The following VANGL2 variants were observed in gnomAD, a reference collection of about 807,000 sequenced individuals.
The protein encoded by VANGL2 is vang-like protein 2.
In VANGL2, 14 loss-of-function variants were observed where a neutral mutation model predicts 50.2. The ratio of observed to expected loss-of-function variants is 0.28; its 90% CI spans 0.18 to 0.44. The LOEUF (loss-of-function observed/expected upper bound fraction) is 0.44. VANGL2 is among the 20% of genes least tolerant of loss of function. The pLI is 1.00. For synonymous variants in VANGL2, 295 were observed against 297.2 expected, an observed-to-expected ratio of 0.99 and a Z score of 0.08; for missense variants, 533 against 701.5, an observed-to-expected ratio of 0.76 and a Z score of 2.71.
In VANGL2 at chr1:160,410,675, TACAC is replaced by T. The variant is rs111892045; in HGVS notation, c.-190-4952_-190-4949del. Among the ~76,000 whole-genome samples, 639 of 143,352 alleles carry T rather than the reference TACAC, an allele frequency of 4.5e-3. 2 individuals carry two copies. The highest frequency in any genetic ancestry group is 7.1e-3 in the Non-Finnish European group (456 of 64,294). 94.0% of individuals were successfully genotyped at this position (143,352 alleles called of 152,430 possible). On this transcript the variant is annotated intron_variant, in intron 1 of 7. Transcript: ENST00000368061. Reference sequence around the variant, plus strand: ...TTTTGGCCAACACCCACCCCCCTTATACACACACACACACACACACACACGCACG... The same window carrying T: ...TTTTGGCCAACACCCACCCCCCTTATACACACACACACACACACACGCACG...
intron 6 of VANGL2, 115 bp from the exon 7 acceptor site, chr1:160,423,937 G>T (rs1413666841): frequency 1.8e-6 from 2 of 1,142,332 alleles, no homozygotes; most frequent in Non-Finnish European, 2.6e-6. Flanking sequence ...TATTACTTTG[G>T]GTGAGCACAA....
At chr1:160,418,620 C>A (rs1014866375) in intron 3 of VANGL2, among the ~76,000 whole-genome samples, 4 of 152,178 alleles carry the variant, frequency 2.6e-5, no homozygotes, top group African/African-American at 9.7e-5. Flanking sequence ...TTTCTGGAAG[C>A]CTGCCTGCTT....
At chr1:160,424,389 T>C in intron 7 of VANGL2, 106 bp downstream of exon 7, 1 of 1,101,232 alleles carries the variant, frequency 9.1e-7, no homozygotes, top group Non-Finnish European at 1.4e-6. Flanking sequence ...GTCCACCTCA[T>C]TTCTCTCTCC....
In VANGL2 at chr1:160,415,730, G is replaced by T. The variant is rs1344886216; in HGVS notation, c.-108G>T. The T allele has an allele frequency of 1.6e-6, 2 of 1,282,710 alleles. No individual in the cohort carries two copies. Among genetic ancestry groups the T allele is most frequent in the Non-Finnish European group, 2.2e-6 (2 of 905,604 alleles). The allele number at this position is 1,282,710 out of a possible 1,614,324, so 79.5% of individuals were successfully genotyped here. A position where few individuals can be genotyped will look rare whatever the true frequency, so the allele number is the denominator to read the frequency against. On this transcript the variant is annotated 5_prime_UTR_variant, in exon 2 of 8. Transcript: ENST00000368061. Reference sequence around the variant, plus strand: ...CAGGGTGACAGTTGACTTCCTGAAGGTGCCTCTTGGCCTAAAGAAGCCGGT... The same window carrying T: ...CAGGGTGACAGTTGACTTCCTGAAGTTGCCTCTTGGCCTAAAGAAGCCGGT...
rs144435825 is a variant in VANGL2 at position 160,424,217 on chromosome 1, C to G, written c.1239C>G (p.Pro413=). Residue 413 remains proline (P), a synonymous_variant, in exon 7 of 8, where the codon CCC becomes CCG. Coordinates refer to ENST00000368061, the MANE Select transcript of VANGL2 (RefSeq NM_020335.3). ...ACCTTCGGACCACCAAGCAGCAGCC[C>G]TACCACACCATGGAGAGCATCCTGC... The part of the protein sequence containing the change: ...QKYLRTTKQQ[P]YHTMESILQH... 301 of 1,614,088 alleles carry G rather than the reference C, an allele frequency of 1.9e-4. No homozygotes were observed. Among genetic ancestry groups the G allele is most frequent in the Non-Finnish European group, 2.3e-4 (273 of 1,180,034 alleles).
chr1:160,427,780 G>C lies in VANGL2; in HGVS notation c.*2402G>C, dbSNP rs564733902. On this transcript the variant is annotated 3_prime_UTR_variant, in exon 8 of 8. Coordinates refer to ENST00000368061, the MANE Select transcript of VANGL2 (RefSeq NM_020335.3). ...GATCTGCTCATTCTCCTGCTGTGGG[G>C]GTATGCCCACCTCTTACCCCCTTGA... 6.6e-6 allele frequency: 1 copy of C among 152,506 alleles called. No individual in the cohort carries two copies. The highest frequency in any genetic ancestry group is 1.9e-4 in the East Asian group (1 of 5,158). The allele number at this position is 152,506 out of a possible 1,614,324, so 9.4% of individuals were successfully genotyped here.
chr1:160,426,766 G>T lies in VANGL2; in HGVS notation c.*1388G>T, dbSNP rs1651469772. 1 of 152,286 alleles carries T rather than the reference G, an allele frequency of 6.6e-6. No homozygotes were observed. The highest frequency in any genetic ancestry group is 6.5e-5 in the Admixed American group (1 of 15,292). The allele number at this position is 152,286 out of a possible 1,614,324, so 9.4% of individuals were successfully genotyped here. A position where few individuals can be genotyped will look rare whatever the true frequency, so the allele number is the denominator to read the frequency against. On this transcript the variant is annotated 3_prime_UTR_variant, in exon 8 of 8. Coordinates refer to ENST00000368061, the MANE Select transcript of VANGL2 (RefSeq NM_020335.3). ...ATTAGGAAGTACCCATATACATCCAGCCAGGATCCACATGGAGGACCTTTC... is the reference window on the plus strand; with the variant it reads ...ATTAGGAAGTACCCATATACATCCATCCAGGATCCACATGGAGGACCTTTC...
chr1:160,415,401 G>A (rs534460397), intron 1 of VANGL2, among the ~76,000 whole-genome samples: 1 of 152,210 alleles, frequency 6.6e-6, no homozygotes, highest in Non-Finnish European at 1.5e-5. Flanking sequence ...GAGCCTTCCT[G>A]CCCTGGGAGC....
chr1:160,424,744 G>A (rs1651393413), intron 7 of VANGL2, among the ~76,000 whole-genome samples: 1 of 152,126 alleles, frequency 6.6e-6, no homozygotes, highest in Non-Finnish European at 1.5e-5. Flanking sequence ...GACACCTTTG[G>A]CTCCCTCCTG....
In VANGL2 at chr1:160,420,469, A is replaced by G; in HGVS notation, c.859A>G (p.Asn287Asp). The part of the protein sequence containing the change: ...EKYYHDFPVY[N>D]PALLNLPKSV... ...GTATTACCATGACTTCCCTGTCTAC[A>G]ACCCTGCCCTCCTCAACCTGCCCAA... Residue 287 changes from asparagine to aspartate, a missense_variant, in exon 5 of 8, where the codon AAC (asparagine) becomes GAC (aspartate). Asn to Asp is a conservative substitution (Grantham distance 23, BLOSUM62 1). Coordinates refer to ENST00000368061, the MANE Select transcript of VANGL2 (RefSeq NM_020335.3). 6.2e-7 allele frequency: 1 copy of G among 1,613,966 alleles called. No individual in the cohort carries two copies. Among genetic ancestry groups the G allele is most frequent in the Non-Finnish European group, 8.5e-7 (1 of 1,179,998 alleles).
At chr1:160,424,975 G>T in intron 7 of VANGL2, 143 bp from the exon 8 acceptor site, 2 of 1,180,936 alleles carry the variant, frequency 1.7e-6, no homozygotes, top group Non-Finnish European at 2.5e-6. Flanking sequence ...GCCCCTTCCT[G>T]CTGTAACATT....
chr1:160,425,058 G>A lies in VANGL2; in HGVS notation c.1306-60G>A, dbSNP rs543509560. On this transcript the variant is annotated intron_variant, in intron 7 of 7. Coordinates refer to ENST00000368061, the MANE Select transcript of VANGL2 (RefSeq NM_020335.3). The stretch of plus-strand genomic sequence containing the variant: ...TTGTCTTTGGAAACTATGACCTAGG[G>A]GATGAAGGACCGTGGGTAGATGACA... The A allele has an allele frequency of 1.1e-5, 17 of 1,613,070 alleles. No homozygotes were observed. In the East Asian group the frequency reaches 3.6e-4, roughly 34 times the overall value.
intron 1 of VANGL2, 138 bp from the exon 2 acceptor site, chr1:160,415,510 G>C: frequency 2.6e-6 from 1 of 387,266 alleles, no homozygotes; most frequent in Admixed American, 3.7e-5. Context: ...TGGACAGCAG[G>C]AACCTGGGTG....
In VANGL2 at chr1:160,419,829, T is replaced by C. The variant is rs1339581965; in HGVS notation, c.800+220T>C. On this transcript the variant is annotated intron_variant, in intron 4 of 7. Coordinates refer to ENST00000368061, the MANE Select transcript of VANGL2 (RefSeq NM_020335.3). This position sits in a 1 kb window ranked among gnomAD's most constrained non-coding sequence, Gnocchi z 5.8. ...GTCTTGGGGCAAGATCAGTTGGGAG[T>C]TATGAGATGGGAATGAATAGGCATT... Among the ~76,000 whole-genome samples the C allele has an allele frequency of 6.8e-6, 1 of 146,298 alleles. No individual in the cohort carries two copies. The highest frequency in any genetic ancestry group is 2.6e-5 in the African/African-American group (1 of 39,062).
intron 1 of VANGL2, among the ~76,000 whole-genome samples, chr1:160,411,591 G>A (rs939477250): frequency 2.0e-5 from 3 of 152,258 alleles, no homozygotes; most frequent in African/African-American, 7.2e-5. Context: ...GGTCTCAGAA[G>A]TCGGGTTCAT....
At position 160,419,093 on chromosome 1, in the gene VANGL2, T is replaced by C; in HGVS notation, c.284T>C (p.Met95Thr). 1 of 1,614,108 alleles carries C rather than the reference T, an allele frequency of 6.2e-7. No individual in the cohort carries two copies. The highest frequency in any genetic ancestry group is 1.1e-5 in the South Asian group (1 of 91,076). ...HDDLTRIAKDMEDSVPLDCSR... is the reference protein window; with the variant it reads ...HDDLTRIAKDTEDSVPLDCSR... Reference sequence around the variant, plus strand: ...GACCTCACACGCATCGCCAAGGACATGGAGGACAGTGTCCCTCTGGACTGC... The same window carrying C: ...GACCTCACACGCATCGCCAAGGACACGGAGGACAGTGTCCCTCTGGACTGC... Residue 95 changes from methionine (M) to threonine (T), a missense_variant, in exon 4 of 8, where the codon ATG (methionine) becomes ACG (threonine). Physicochemically the swap from Met to Thr is moderately conservative, Grantham distance 81. Transcript: ENST00000368061. The surrounding 1 kb of genome is among the most constrained non-coding windows in gnomAD (Gnocchi z 5.8).
chr1:160,415,614 G>T, intron 1 of VANGL2, 34 bp from the exon 2 acceptor site: 2 of 587,086 alleles, frequency 3.4e-6, no homozygotes, highest in Non-Finnish European at 6.1e-6. Flanking sequence ...CAGGGAGCTC[G>T]AGCCGCCTCT....
intron 1 of VANGL2, among the ~76,000 whole-genome samples, chr1:160,411,327 C>T (rs900160648): frequency 1.7e-4 from 26 of 151,990 alleles, no homozygotes; most frequent in African/African-American, 4.6e-4. Flanking sequence ...GCACCAAGTC[C>T]GGACTTCCCT....
chr1:160,416,087 A>G lies in VANGL2; in HGVS notation c.97A>G (p.Lys33Glu). 6.2e-7 allele frequency: 1 copy of G among 1,614,184 alleles called. No homozygotes were observed. Residue 33 changes from lysine to glutamate, a missense_variant, in exon 3 of 8, where the codon AAG (lysine) becomes GAG (glutamate). Transcript: ENST00000368061. ...HRDRRDRHRSKSRDGGRGDKS... is the reference protein window; with the variant it reads ...HRDRRDRHRSESRDGGRGDKS... ...GGACCGCCGGGACCGACACCGCTCT[A>G]AGAGTCGAGATGGGGGCCGAGGGGA... is the stretch of plus-strand genomic sequence containing the variant.
Sources: allele counts gnomAD v4.1 joint callset (sites outside exome capture counted in the v4.1 genomes callset), GRCh38; gene constraint gnomAD v4.1.1; non-coding constraint Gnocchi (gnomAD v3.1); transcripts MANE v1.5; gene names NCBI Gene and HGNC (gene_info 2026-07-23, HGNC 2026-07-21).